Variants in CDC42SE2 observed in about 807,000 individuals in gnomAD.
The protein encoded by CDC42SE2 is CDC42 small effector 2.
In CDC42SE2, 3 loss-of-function variants were observed where a neutral mutation model predicts 11.5. The observed-to-expected ratio is 0.26, with a 90% CI of 0.12 to 0.67. CDC42SE2 has a LOEUF of 0.67. Ranked by LOEUF, CDC42SE2 falls within the 30% of genes least tolerant of loss-of-function variation. The pLI is 0.80. For synonymous variants in CDC42SE2, 33 were observed against 34.8 expected (o/e 0.95, Z 0.18); for missense variants, 82 against 106.8 (o/e 0.77, Z 1.02).
intron 2 of CDC42SE2, among the ~76,000 whole-genome samples, chr5:131,325,481 G>A (rs1758276290): frequency 7.0e-6 from 1 of 143,604 alleles, no homozygotes; most frequent in Non-Finnish European, 1.6e-5. Flanking sequence ...GATCCATTAA[G>A]TGGTTTTTTT....
At chr5:131,327,469 A>G (rs1189053707) in intron 2 of CDC42SE2, among the ~76,000 whole-genome samples, 1 of 152,082 alleles carries the variant, frequency 6.6e-6, no homozygotes, top group Non-Finnish European at 1.5e-5. Flanking sequence ...TATTCTTCCA[A>G]ATGTGCAGTT....
In CDC42SE2 at chr5:131,393,605, G is replaced by T. The variant is rs1049590918; in HGVS notation, c.*2514G>T. ...CAGGCACGGTCAGTTTCTTGGCCAG[G>T]GACATTGCTATGTGCTGTGTGCAAG... On this transcript the variant is annotated 3_prime_UTR_variant, in exon 5 of 5. Coordinates refer to ENST00000505065, the MANE Select transcript of CDC42SE2 (RefSeq NM_001375635.1). 3.3e-5 allele frequency: 5 copies of T among 152,260 alleles called. No individual in the cohort carries two copies. Among genetic ancestry groups the T allele is most frequent in the African/African-American group, 1.2e-4 (5 of 41,414 alleles). The allele number at this position is 152,260 out of a possible 1,614,324, so 9.4% of individuals were successfully genotyped here.
intron 2 of CDC42SE2, among the ~76,000 whole-genome samples, chr5:131,325,484 GT>G (rs34758151): frequency 1.0e-3 from 144 of 142,856 alleles, no homozygotes; most frequent in Middle Eastern, 3.7e-3. Context: ...CCATTAAGTG[GT>G]TTTTTTTTTT....
At chr5:131,372,527 C>T (rs1384383018) in intron 3 of CDC42SE2, among the ~76,000 whole-genome samples, 2 of 152,008 alleles carry the variant, frequency 1.3e-5, no homozygotes, top group African/African-American at 2.4e-5. Context: ...TCCTGGCTAA[C>T]ACAGTGAAAC....
At chr5:131,346,545 A>G (rs1222055985) in intron 2 of CDC42SE2, among the ~76,000 whole-genome samples, 1 of 152,208 alleles carries the variant, frequency 6.6e-6, no homozygotes, top group African/African-American at 2.4e-5. Context: ...TTCCCACACA[A>G]TAATAATGGC....
At chr5:131,308,260 T>C (rs1481601651) in intron 1 of CDC42SE2, among the ~76,000 whole-genome samples, 1 of 152,092 alleles carries the variant, frequency 6.6e-6, no homozygotes, top group Non-Finnish European at 1.5e-5. Flanking sequence ...GTTGTAGATA[T>C]GCGGCGTTAT....
chr5:131,316,863 C>G (rs1219962998), intron 2 of CDC42SE2, among the ~76,000 whole-genome samples: 1 of 152,144 alleles, frequency 6.6e-6, no homozygotes, highest in Non-Finnish European at 1.5e-5. Flanking sequence ...TAGAAATTAT[C>G]TAGATTTATT....
chr5:131,287,587 C>T (rs1303965285), intron 1 of CDC42SE2, among the ~76,000 whole-genome samples: 1 of 151,940 alleles, frequency 6.6e-6, no homozygotes, highest in Non-Finnish European at 1.5e-5. Flanking sequence ...CTCAGCCTCC[C>T]AAGTCGGTGG....
chr5:131,278,723 TCCCCC>T (rs1332729919), intron 1 of CDC42SE2, among the ~76,000 whole-genome samples: 45 of 8,996 alleles, frequency 5.0e-3, no homozygotes, highest in African/African-American at 0.012. Context: ...TCCCCTCCCC[TCCCCC>T]CTCCCCTCCC....
At chr5:131,267,304 T>G (rs1214949131) in intron 1 of CDC42SE2, among the ~76,000 whole-genome samples, 1 of 151,892 alleles carries the variant, frequency 6.6e-6, no homozygotes, top group Non-Finnish European at 1.5e-5. Context: ...TGATCTGCCC[T>G]CCTTGGCCTC....
intron 1 of CDC42SE2, among the ~76,000 whole-genome samples, chr5:131,254,477 G>A (rs1482137964): frequency 6.6e-6 from 1 of 151,936 alleles, no homozygotes; most frequent in South Asian, 2.1e-4. Flanking sequence ...AGGAGGCGGA[G>A]GTTGCAGTGA....
chr5:131,387,501 G>C (rs2149790111), intron 4 of CDC42SE2, among the ~76,000 whole-genome samples: 1 of 152,258 alleles, frequency 6.6e-6, no homozygotes, highest in Non-Finnish European at 1.5e-5. Context: ...GCAGTGAGCT[G>C]AGATCATGCC....
At chr5:131,222,569 CATAAA>C in the CDC42SE2 span, among the ~76,000 whole-genome samples, 1 of 152,196 alleles carries the variant, frequency 6.6e-6, no homozygotes, top group Non-Finnish European at 1.5e-5. Flanking sequence ...TTTAAACAAA[CATAAA>C]ATGAATGGAG....
chr5:131,350,635 G>GTGTA (rs1478163008), intron 2 of CDC42SE2, among the ~76,000 whole-genome samples: 1 of 136,722 alleles, frequency 7.3e-6, no homozygotes, highest in African/African-American at 3.2e-5. Flanking sequence ...GTGTGTGTGT[G>GTGTA]TGTATATATA....
intron 2 of CDC42SE2, among the ~76,000 whole-genome samples, chr5:131,335,989 G>A (rs951075506): frequency 5.3e-5 from 8 of 151,060 alleles, no homozygotes; most frequent in Admixed American, 1.3e-4. Flanking sequence ...GTATTGTTAC[G>A]TGTGAGTTTG....
chr5:131,257,457 A>G (rs562158169), intron 2 of CDC42SE2, among the ~76,000 whole-genome samples: 252 of 151,180 alleles, frequency 1.7e-3, no homozygotes, highest in Non-Finnish European at 1.9e-3. Context: ...GGAAGTGGCA[A>G]GATTTCTGTT....
chr5:131,347,478 A>T (rs1479248857), intron 2 of CDC42SE2, among the ~76,000 whole-genome samples: 46 of 152,208 alleles, frequency 3.0e-4, no homozygotes, highest in Non-Finnish European at 1.5e-5. Context: ...ATAGACCAAT[A>T]ACAGGCTCTG....
At chr5:131,225,948 G>A in the CDC42SE2 span, among the ~76,000 whole-genome samples, 2 of 152,184 alleles carry the variant, frequency 1.3e-5, no homozygotes, top group Non-Finnish European at 2.9e-5. Flanking sequence ...GGATCAGGCC[G>A]AATTTATTGT....
At position 131,348,927 on chromosome 5, in the gene CDC42SE2, G is replaced by C. The variant is rs567010717; in HGVS notation, c.-285-10282G>C. ...TTTAATAAATGGTGCTGGGAAAACT[G>C]GCTAGCCACATGTAGAAAGCTGAAA... On this transcript the variant is annotated intron_variant, in intron 2 of 4. Transcript: ENST00000505065. 2.0e-5 allele frequency among the ~76,000 whole-genome samples: 3 copies of C among 152,250 alleles called. No homozygotes were observed. In the South Asian group the frequency reaches 6.2e-4, roughly 32 times the overall value.
Sources: gnomAD v4.1 joint callset for allele counts (sites outside exome capture counted in the v4.1 genomes callset) on GRCh38, gnomAD v4.1.1 for gene constraint, MANE v1.5 for transcripts, NCBI Gene and HGNC (gene_info 2026-07-23, HGNC 2026-07-21) for gene names.